GRM8: variants seen among roughly 807,000 people sequenced by gnomAD.
GRM8 encodes the protein glutamate metabotropic receptor 8.
GRM8 carries 47 observed loss-of-function variants against 87.2 expected under a neutral mutation model. That is an observed-to-expected ratio of 0.54 (90% CI 0.43 to 0.69). The LOEUF is 0.69. Among genes scored for constraint, GRM8 ranks in the 30% least tolerant of loss-of-function variants. The pLI is 0.00. For missense variants in GRM8, 1,019 were observed against 1,139.2 expected, an observed-to-expected ratio of 0.89 and a Z score of 1.52; for synonymous variants, 396 against 404.5, an observed-to-expected ratio of 0.98 and a Z score of 0.25.
chr7:126,877,964 G>A (rs1799676099), intron 6 of GRM8, among the ~76,000 whole-genome samples: 1 of 152,090 alleles, frequency 6.6e-6, no homozygotes, highest in African/African-American at 2.4e-5. Context: ...TCATATTCAC[G>A]TTAAAGAAAC....
At chr7:126,826,920 G>C (rs1794858994) in intron 6 of GRM8, among the ~76,000 whole-genome samples, 1 of 152,272 alleles carries the variant, frequency 6.6e-6, no homozygotes, top group East Asian at 1.9e-4. Flanking sequence ...TCCAGTTTCA[G>C]CTTTCTCCAT....
intron 7 of GRM8, among the ~76,000 whole-genome samples, chr7:126,744,257 C>T (rs552380422): frequency 3.9e-5 from 6 of 152,022 alleles, no homozygotes; most frequent in South Asian, 4.1e-4. Flanking sequence ...CTTGAAGAAA[C>T]GACTGACATA....
Position 126,863,853 on chromosome 7 carries a change from CTCTTTA to C in GRM8, c.1156+38683_1156+38688del, listed in dbSNP as rs1798356292. Among the ~76,000 whole-genome samples, 3 of 151,788 alleles carry C rather than the reference CTCTTTA, an allele frequency of 2.0e-5. No individual in the cohort carries two copies. The South Asian group carries it at 6.2e-4, about 32-fold the overall frequency. ...ATATTTGATATCTTTATTAATATTT[CTCTTTA>C]TCTTTACTAATGGTTAACTATAAAT... is the stretch of plus-strand genomic sequence containing the variant. On this transcript the variant is annotated intron_variant, in intron 6 of 10. Transcript: ENST00000339582.
chr7:126,612,681 T>C (rs1799039915), intron 7 of GRM8, among the ~76,000 whole-genome samples: 1 of 152,224 alleles, frequency 6.6e-6, no homozygotes, highest in African/African-American at 2.4e-5. Context: ...ACTATGGTCT[T>C]CTTAAGAAAG....
intron 7 of GRM8, among the ~76,000 whole-genome samples, chr7:126,630,743 T>G (rs1184688605): frequency 6.6e-6 from 1 of 152,028 alleles, no homozygotes; most frequent in African/African-American, 2.4e-5. Context: ...AGTCAACAAA[T>G]GTGATTCATC....
intron 7 of GRM8, among the ~76,000 whole-genome samples, chr7:126,729,635 TTTGGC>T (rs1227002856): frequency 6.6e-6 from 1 of 152,208 alleles, no homozygotes; most frequent in East Asian, 1.9e-4. Flanking sequence ...AAGTTCTGCA[TTTGGC>T]AGATACTGGG....
chr7:126,509,731 G>T (rs1366498591), intron 9 of GRM8, among the ~76,000 whole-genome samples: 17 of 151,846 alleles, frequency 1.1e-4, no homozygotes, highest in Non-Finnish European at 1.8e-4. Flanking sequence ...TTTGAAATCA[G>T]GACCATCTGA....
intron 7 of GRM8, among the ~76,000 whole-genome samples, chr7:126,617,610 T>C (rs1033728026): frequency 1.3e-5 from 2 of 152,172 alleles, no homozygotes; most frequent in Admixed American, 6.5e-5. Flanking sequence ...GATGACATGA[T>C]TGTATATTTA....
At position 127,241,642 on chromosome 7, in the gene GRM8, A is replaced by G. The variant is rs7799591; in HGVS notation, c.510+1053T>C. On this transcript the variant is annotated intron_variant, in intron 2 of 10. Transcript: ENST00000339582. ...AGTAGAGACGGGGTTTCACCGTGTT[A>G]GCCAGGATGGTCTCAATCTCCTGAC... Among the ~76,000 whole-genome samples the G allele has an allele frequency of 7.1e-3, 1,079 of 152,098 alleles. 13 individuals carry two copies. The highest frequency in any genetic ancestry group is 0.024 in the African/African-American group (980 of 41,494).
At chr7:126,652,909 A>T (rs1804075784) in intron 7 of GRM8, among the ~76,000 whole-genome samples, 1 of 152,112 alleles carries the variant, frequency 6.6e-6, no homozygotes, top group Non-Finnish European at 1.5e-5. Context: ...CAATGTCAGG[A>T]ATCTCTGTAG....
intron 3 of GRM8, among the ~76,000 whole-genome samples, chr7:127,032,905 T>C (rs950121858): frequency 9.9e-5 from 15 of 152,050 alleles, no homozygotes; most frequent in Non-Finnish European, 1.9e-4. Flanking sequence ...TCTTTTGCTG[T>C]ACAATCTAGA....
At chr7:126,776,369 G>A (rs777811388) in intron 6 of GRM8, among the ~76,000 whole-genome samples, 31 of 152,176 alleles carry the variant, frequency 2.0e-4, no homozygotes, top group Middle Eastern at 3.4e-3. Context: ...GAACAACTCA[G>A]GGTTCTGATG....
chr7:127,073,047 G>C (rs539694033), intron 3 of GRM8, among the ~76,000 whole-genome samples: 1 of 152,100 alleles, frequency 6.6e-6, no homozygotes, highest in East Asian at 1.9e-4. Context: ...AGAAAGTGAA[G>C]GGGAAATGAG....
At chr7:126,907,623 T>C (rs1042716118) in intron 3 of GRM8, among the ~76,000 whole-genome samples, 17 of 152,108 alleles carry the variant, frequency 1.1e-4, no homozygotes, top group Admixed American at 7.9e-4. Flanking sequence ...GCAGGGCCTG[T>C]GGAAGACTAT....
At chr7:126,642,439 C>T (rs574839263) in intron 7 of GRM8, among the ~76,000 whole-genome samples, 5 of 151,956 alleles carry the variant, frequency 3.3e-5, no homozygotes, top group Non-Finnish European at 4.4e-5. Flanking sequence ...GAGATCAAGA[C>T]CATCCTGGCT....
chr7:126,986,382 A>C (rs1812072800), intron 3 of GRM8, among the ~76,000 whole-genome samples: 1 of 152,160 alleles, frequency 6.6e-6, no homozygotes, highest in Non-Finnish European at 1.5e-5. Context: ...TTTTATCCTT[A>C]TGTCATATTT....
rs111497779 is a variant in GRM8 at position 126,491,634 on chromosome 7, A to C, written c.2430+41318T>G. The stretch of plus-strand genomic sequence containing the variant: ...AACAAAGACCATGTGAATTCTCCTG[A>C]TTCTTTTCTTATAGCTTCTGTGAAC... On this transcript the variant is annotated intron_variant, in intron 9 of 10. Transcript: ENST00000339582. 3.8e-3 allele frequency among the ~76,000 whole-genome samples: 581 copies of C among 152,150 alleles called. 5 individuals are homozygous for C. The highest frequency in any genetic ancestry group is 0.013 in the African/African-American group (559 of 41,562).
chr7:126,534,046 A>G (rs1815292859), intron 8 of GRM8, 159 bp from the exon 9 acceptor site: 1 of 617,448 alleles, frequency 1.6e-6, no homozygotes, highest in African/African-American at 1.8e-5. Flanking sequence ...TGACTTTATG[A>G]AAGTGTTAAG....
rs2283080 is a variant in GRM8, at chr7:126,858,178, A to T, written c.1156+44364T>A. Among the ~76,000 whole-genome samples the T allele has an allele frequency of 5.1e-3, 769 of 152,214 alleles. 21 individuals carry two copies. In the East Asian group the frequency reaches 0.067, roughly 13 times the overall value. On this transcript the variant is annotated intron_variant, in intron 6 of 10. Transcript: ENST00000339582. ...GGCTGGATCTGAGATATACATTTGG[A>T]AGTGATAGAACTTGCAAGATATCTT... is the stretch of plus-strand genomic sequence containing the variant.
Sources: gnomAD v4.1 joint callset for allele counts (sites outside exome capture counted in the v4.1 genomes callset) on GRCh38, gnomAD v4.1.1 for gene constraint, MANE v1.5 for transcripts, NCBI Gene and HGNC (gene_info 2026-07-23, HGNC 2026-07-21) for gene names.